DPP10: variants seen among roughly 807,000 people sequenced by gnomAD.
DPP10 encodes inactive dipeptidyl peptidase 10.
Under a neutral mutation model 120.9 loss-of-function variants are expected in DPP10, and 33 were observed. The observed-to-expected ratio is 0.27, with a 90% CI of 0.21 to 0.37. The LOEUF (loss-of-function observed/expected upper bound fraction) is 0.37, where lower values mean the gene tolerates loss of function less well. DPP10 is among the 10% of genes least tolerant of loss of function. The pLI is 1.00. For synonymous variants in DPP10, 337 were observed against 326.1 expected (o/e 1.03, Z -0.36); for missense variants, 816 against 942.8 (o/e 0.87, Z 1.76).
At chr2:114,878,258 A>G (rs1260239701) in intron 1 of DPP10, among the ~76,000 whole-genome samples, 1 of 152,106 alleles carries the variant, frequency 6.6e-6, no homozygotes, top group Non-Finnish European at 1.5e-5. Context: ...CAATCTAAAG[A>G]TCCATTATAC....
At chr2:115,649,693 T>C (rs2087578372) in intron 5 of DPP10, among the ~76,000 whole-genome samples, 1 of 152,160 alleles carries the variant, frequency 6.6e-6, no homozygotes, top group African/African-American at 2.4e-5. Context: ...TACCATATGC[T>C]GTGTTTTATG....
At chr2:115,546,093 A>C (rs1003004321) in intron 5 of DPP10, among the ~76,000 whole-genome samples, 1 of 152,132 alleles carries the variant, frequency 6.6e-6, no homozygotes. Context: ...CTAAATCTGC[A>C]TTCGGATTTG....
At chr2:115,282,359 C>T (rs1401835889) in intron 1 of DPP10, among the ~76,000 whole-genome samples, 1 of 151,944 alleles carries the variant, frequency 6.6e-6, no homozygotes, top group Non-Finnish European at 1.5e-5. Context: ...AATTTACATA[C>T]AATAAAATTC....
intron 7 of DPP10, among the ~76,000 whole-genome samples, chr2:115,725,538 TC>T (rs1464668951): frequency 1.3e-5 from 2 of 152,226 alleles, no homozygotes. Context: ...ATTCTGAGTA[TC>T]CAGTCTGTCA....
At chr2:115,068,561 T>C (rs1488718089) in intron 1 of DPP10, among the ~76,000 whole-genome samples, 2 of 152,218 alleles carry the variant, frequency 1.3e-5, no homozygotes, top group Non-Finnish European at 2.9e-5. Context: ...ATACAGAAGC[T>C]TTTTAGTTGA....
At chr2:114,523,239 G>A (rs944295766) in intron 1 of DPP10, among the ~76,000 whole-genome samples, 3 of 152,202 alleles carry the variant, frequency 2.0e-5, no homozygotes, top group Non-Finnish European at 4.4e-5. Flanking sequence ...ATTTTGAGGT[G>A]AGGGGCTGGA....
chr2:115,742,555 C>T (rs544862909), intron 9 of DPP10, among the ~76,000 whole-genome samples: 13 of 152,206 alleles, frequency 8.5e-5, no homozygotes, highest in African/African-American at 2.9e-4. Context: ...TGCTCACCTA[C>T]CCAGGTACTT....
At chr2:115,348,424 C>T (rs1443425477) in intron 3 of DPP10, among the ~76,000 whole-genome samples, 2 of 151,750 alleles carry the variant, frequency 1.3e-5, no homozygotes, top group Admixed American at 1.3e-4. Flanking sequence ...CAGATTATCC[C>T]TTTCTTTTTA....
chr2:115,798,550 G>T (rs975542285), intron 19 of DPP10, among the ~76,000 whole-genome samples: 1 of 152,068 alleles, frequency 6.6e-6, no homozygotes, highest in African/African-American at 2.4e-5. Context: ...AAGTCAAAGT[G>T]TGTCTATGAT....
intron 1 of DPP10, among the ~76,000 whole-genome samples, chr2:115,013,228 G>A (rs1447649822): frequency 6.6e-6 from 1 of 152,132 alleles, no homozygotes; most frequent in African/African-American, 2.4e-5. Flanking sequence ...TTTCTGTAAA[G>A]GATTTTATTT....
chr2:114,584,470 G>T (rs1038111837), intron 1 of DPP10, among the ~76,000 whole-genome samples: 4 of 151,612 alleles, frequency 2.6e-5, no homozygotes, highest in Non-Finnish European at 1.5e-5. Context: ...ATGTATACAT[G>T]TGCCATGTTG....
At chr2:115,716,739 T>G (rs1322374342) in intron 7 of DPP10, among the ~76,000 whole-genome samples, 1 of 147,770 alleles carries the variant, frequency 6.8e-6, no homozygotes, top group African/African-American at 2.7e-5. Context: ...CAAACACTAT[T>G]TATTCATTTG....
intron 1 of DPP10, among the ~76,000 whole-genome samples, chr2:114,953,999 T>C (rs1025006813): frequency 6.6e-6 from 1 of 152,000 alleles, no homozygotes; most frequent in Admixed American, 6.6e-5. Flanking sequence ...CTTCTTGGAA[T>C]TGTTCAACCA....
chr2:114,702,996 G>T (rs1451411124), intron 1 of DPP10, among the ~76,000 whole-genome samples: 1 of 152,240 alleles, frequency 6.6e-6, no homozygotes, highest in African/African-American at 2.4e-5. Flanking sequence ...GTATTAGGGT[G>T]AGCAGGGTGG....
At chr2:114,641,336 A>G (rs1406054849) in intron 1 of DPP10, among the ~76,000 whole-genome samples, 1 of 151,778 alleles carries the variant, frequency 6.6e-6, no homozygotes. Flanking sequence ...TGCTTTCCAT[A>G]TTCGTGGCTA....
chr2:115,605,157 T>C (rs1257846955), intron 5 of DPP10, among the ~76,000 whole-genome samples: 1 of 152,118 alleles, frequency 6.6e-6, no homozygotes, highest in Non-Finnish European at 1.5e-5. Context: ...GGAGATTGTC[T>C]TTTTTGGCAA....
chr2:115,109,561 G>A (rs1316282142), intron 1 of DPP10, among the ~76,000 whole-genome samples: 2 of 151,988 alleles, frequency 1.3e-5, no homozygotes, highest in East Asian at 1.9e-4. Context: ...AAAATTCAAC[G>A]TTGTCAATAA....
At chr2:115,532,524 A>G (rs1049591430) in intron 5 of DPP10, among the ~76,000 whole-genome samples, 3 of 152,088 alleles carry the variant, frequency 2.0e-5, no homozygotes, top group Non-Finnish European at 2.9e-5. Flanking sequence ...TAATAAACAT[A>G]TTACAATATC....
chr2:114,691,680 G>A (rs891259336), intron 1 of DPP10, among the ~76,000 whole-genome samples: 15 of 152,002 alleles, frequency 9.9e-5, no homozygotes, highest in Non-Finnish European at 1.9e-4. Flanking sequence ...TGTACCTCTG[G>A]TAGAATTCAC....
Sources: gnomAD v4.1 joint callset for allele counts (sites outside exome capture counted in the v4.1 genomes callset) on GRCh38, gnomAD v4.1.1 for gene constraint, MANE v1.5 for transcripts, NCBI Gene and HGNC (gene_info 2026-07-23, HGNC 2026-07-21) for gene names.